Variants in CIB2 observed in about 807,000 individuals in gnomAD.
CIB2 encodes calcium and integrin-binding family member 2.
CIB2 carries 19 observed loss-of-function variants against 23.1 expected under a neutral mutation model. That is an observed-to-expected ratio of 0.82 (90% CI 0.57 to 1.21). The LOEUF (loss-of-function observed/expected upper bound fraction) is 1.21, where lower values mean the gene tolerates loss of function less well. CIB2 is among the 50% of genes most tolerant of loss of function. The pLI is 0.00. For synonymous variants in CIB2, 94 were observed against 91.7 expected, an observed-to-expected ratio of 1.03 and a Z score of -0.14; for missense variants, 220 against 241.5, an observed-to-expected ratio of 0.91 and a Z score of 0.59.
At chr15:78,122,758 G>C (rs1193579302) in intron 2 of CIB2, among the ~76,000 whole-genome samples, 1 of 152,250 alleles carries the variant, frequency 6.6e-6, no homozygotes, top group Non-Finnish European at 1.5e-5. Flanking sequence ...GACTCTCTAA[G>C]GTGGTGGAAG....
intron 1 of CIB2, among the ~76,000 whole-genome samples, chr15:78,130,427 C>T (rs6495274): frequency 0.43 from 65,038 of 151,970 alleles, 14,083 homozygotes; most frequent in African/African-American, 0.5. Flanking sequence ...GCCAGGGCTC[C>T]GGGTAAGCCA....
chr15:78,131,024 G>T lies in CIB2; in HGVS notation c.51+141C>A. 1.8e-6 allele frequency: 1 copy of T among 565,052 alleles called. No homozygotes were observed. The highest frequency in any genetic ancestry group is 2.9e-6 in the Non-Finnish European group (1 of 349,594). 35.0% of individuals were successfully genotyped at this position (565,052 alleles called of 1,614,324 possible). On this transcript the variant is annotated intron_variant, in intron 1 of 5. Transcript: ENST00000258930. The surrounding 1 kb of genome is among the most constrained non-coding windows in gnomAD (Gnocchi z 5.8). ...CGGCGAGGGGAAGTCACCGGCCCAA[G>T]GTCACGCGTCGAGCTGAAGGCAGAG...
At chr15:78,107,712 C>T (rs2074092169) in intron 4 of CIB2, among the ~76,000 whole-genome samples, 1 of 152,216 alleles carries the variant, frequency 6.6e-6, no homozygotes, top group African/African-American at 2.4e-5. Flanking sequence ...CTATGGGGTC[C>T]AAGACCGGGC....
At chr15:78,128,306 C>T (rs952166674) in intron 1 of CIB2, among the ~76,000 whole-genome samples, 3 of 152,134 alleles carry the variant, frequency 2.0e-5, no homozygotes, top group African/African-American at 7.2e-5. Flanking sequence ...AGAACAAGGG[C>T]CAGAGGTGAG....
Position 78,123,754 on chromosome 15 carries a change from C to T in CIB2, c.52-15G>A. 6.2e-7 allele frequency: 1 copy of T among 1,614,064 alleles called. No homozygotes were observed. The highest frequency in any genetic ancestry group is 8.5e-7 in the Non-Finnish European group (1 of 1,179,962). On this transcript the variant is annotated splice_polypyrimidine_tract_variant and intron_variant, in intron 1 of 5. Transcript: ENST00000258930. ...AAGGTGCAGTCCTGTTGAGGGAAAACACACAACACACAGTCAGTGTGCGGC... is the reference window on the plus strand; with the variant it reads ...AAGGTGCAGTCCTGTTGAGGGAAAATACACAACACACAGTCAGTGTGCGGC...
In CIB2 at chr15:78,109,416, G is replaced by A. The variant is rs1401480749; in HGVS notation, c.199-34C>T. 3 of 1,612,636 alleles carry A rather than the reference G, an allele frequency of 1.9e-6. No individual in the cohort carries two copies. Among genetic ancestry groups the A allele is most frequent in the Admixed American group, 3.3e-5 (2 of 59,980 alleles). ...AACACACACAGCAATCACTGTGGGT[G>A]CAGGATAAGCAGGAGGGCCCCGGAG... On this transcript the variant is annotated intron_variant, in intron 3 of 5. Transcript: ENST00000258930.
intron 4 of CIB2, 83 bp from the exon 5 acceptor site, chr15:78,106,017 GC>G: frequency 8.8e-7 from 1 of 1,130,770 alleles, no homozygotes; most frequent in Non-Finnish European, 1.3e-6. Flanking sequence ...CTCCTAGCTG[GC>G]CCCACTACCT....
chr15:78,114,192 C>G (rs1183546848), intron 2 of CIB2, among the ~76,000 whole-genome samples: 1 of 152,184 alleles, frequency 6.6e-6, no homozygotes, highest in African/African-American at 2.4e-5. Context: ...AAGGGGTGGA[C>G]TAGGGAGAGA....
Position 78,131,144 on chromosome 15 carries a change from G to T in CIB2, c.51+21C>A. 1 of 1,575,742 alleles carries T rather than the reference G, an allele frequency of 6.3e-7. No individual in the cohort carries two copies. ...GCGGGGCGGCGGGGCCTGTGTTGGG[G>T]GCCGGGCGCGCCGAGCTCACCTGGT... On this transcript the variant is annotated intron_variant, in intron 1 of 5. Coordinates refer to ENST00000258930, the MANE Select transcript of CIB2 (RefSeq NM_006383.4). This position sits in a 1 kb window ranked among gnomAD's most constrained non-coding sequence, Gnocchi z 5.8.
intron 2 of CIB2, chr15:78,120,673 C>T (rs1453571780): frequency 2.0e-6 from 2 of 975,824 alleles, no homozygotes; most frequent in African/African-American, 1.8e-5. Context: ...TGGGTGGGGG[C>T]AGGGCAGAGG....
intron 1 of CIB2, among the ~76,000 whole-genome samples, chr15:78,129,796 T>G (rs1385542173): frequency 2.0e-5 from 3 of 152,230 alleles, no homozygotes; most frequent in Non-Finnish European, 4.4e-5. Context: ...CGAAATCCTG[T>G]GTGAGCCCTG....
In CIB2 at chr15:78,131,237, C is replaced by A. The variant is rs201655250; in HGVS notation, c.-22G>T. The stretch of plus-strand genomic sequence containing the variant: ...CCATGGTGGCCGCCGCGCCGCCGCT[C>A]GCCCGCCCGGGCTCCGACTCCCATC... On this transcript the variant is annotated 5_prime_UTR_variant, in exon 1 of 6. It introduces an in-frame stop codon into an upstream open reading frame of the 5' UTR. Transcript: ENST00000258930. This position sits in a 1 kb window ranked among gnomAD's most constrained non-coding sequence, Gnocchi z 5.8. 6.7e-7 allele frequency: 1 copy of A among 1,485,566 alleles called. No individual in the cohort carries two copies. Among genetic ancestry groups the A allele is most frequent in the Middle Eastern group, 1.8e-4 (1 of 5,588 alleles). The allele number at this position is 1,485,566 out of a possible 1,614,324, so 92.0% of individuals were successfully genotyped here.
intron 2 of CIB2, chr15:78,120,826 C>T (rs952720049): frequency 6.8e-6 from 5 of 735,600 alleles, no homozygotes; most frequent in Non-Finnish European, 8.3e-6. Context: ...AGCAGCTTAC[C>T]AAGAAAACCA....
At chr15:78,115,861 G>A (rs1390498517) in intron 2 of CIB2, among the ~76,000 whole-genome samples, 1 of 150,838 alleles carries the variant, frequency 6.6e-6, no homozygotes, top group Non-Finnish European at 1.5e-5. Flanking sequence ...TATATACTGG[G>A]GATATACCCA....
chr15:78,130,925 C>G (rs1184830168), intron 1 of CIB2, among the ~76,000 whole-genome samples: 1 of 152,184 alleles, frequency 6.6e-6, no homozygotes, highest in Non-Finnish European at 1.5e-5. Context: ...GCGAGAGTAG[C>G]TGGAGAGAGG....
chr15:78,129,553 C>A (rs1434739184), intron 1 of CIB2, among the ~76,000 whole-genome samples: 2 of 152,208 alleles, frequency 1.3e-5, no homozygotes, highest in African/African-American at 4.8e-5. Context: ...CCAAGGCCTG[C>A]TCAAGTGCTG....
At chr15:78,108,024 T>G (rs55921592) in intron 4 of CIB2, among the ~76,000 whole-genome samples, 29,841 of 151,510 alleles carry the variant, frequency 0.2, 3,350 homozygotes, top group African/African-American at 0.31. Flanking sequence ...TTACAAAAAT[T>G]AGCCAGGTGT....
intron 2 of CIB2, among the ~76,000 whole-genome samples, chr15:78,120,937 C>T (rs1418815715): frequency 6.6e-6 from 1 of 152,148 alleles, no homozygotes; most frequent in African/African-American, 2.4e-5. Flanking sequence ...GCTGACTTTG[C>T]CCTCTCTGGG....
Position 78,111,196 on chromosome 15 carries a change from A to G in CIB2, c.167T>C (p.Met56Thr), listed in dbSNP as rs1296784595. ...YRKSPIVHVP[M>T]SLIIQMPELR... ...CTCTGGCATCTGGATGATGAGGCTC[A>G]TGGGCACGTGGACGATGGGGCTCTT... The change falls in exon 3 of 6, where the codon ATG becomes ACG. Residue 56 changes from methionine (M) to threonine (T), a missense_variant. Met to Thr is a moderately conservative substitution (Grantham distance 81). Coordinates refer to ENST00000258930, the MANE Select transcript of CIB2 (RefSeq NM_006383.4). 1.1e-5 allele frequency: 18 copies of G among 1,613,922 alleles called. No individual in the cohort carries two copies. Among genetic ancestry groups the G allele is most frequent in the Admixed American group, 3.3e-5 (2 of 60,000 alleles).
Sources: gnomAD v4.1 joint callset for allele counts (sites outside exome capture counted in the v4.1 genomes callset) on GRCh38, gnomAD v4.1.1 for gene constraint, Gnocchi (gnomAD v3.1) non-coding constraint, MANE v1.5 for transcripts, NCBI Gene and HGNC (gene_info 2026-07-23, HGNC 2026-07-21) for gene names.